The following MAP4K1 variants were observed in gnomAD, a reference collection of about 807,000 sequenced individuals.
MAP4K1 encodes the protein mitogen-activated protein kinase kinase kinase kinase 1.
MAP4K1 carries 35 observed loss-of-function variants against 122.8 expected under a neutral mutation model. The observed-to-expected ratio is 0.29, with a 90% CI of 0.22 to 0.38. MAP4K1 has a LOEUF of 0.38. Ranked by LOEUF, MAP4K1 falls within the 10% of genes least tolerant of loss-of-function variation. The pLI is 1.00. For synonymous variants in MAP4K1, 412 were observed against 421.3 expected, an observed-to-expected ratio of 0.98 and a Z score of 0.27; for missense variants, 791 against 1,072.6, an observed-to-expected ratio of 0.74 and a Z score of 3.67.
In MAP4K1 at chr19:38,595,548, A is replaced by G; in HGVS notation, c.2277T>C (p.Val759=). 6.2e-7 allele frequency: 1 copy of G among 1,614,084 alleles called. No homozygotes were observed. Among genetic ancestry groups the G allele is most frequent in the South Asian group, 1.1e-5 (1 of 91,080 alleles). The part of the protein sequence containing the change: ...MTEAVEAVAM[V]GGQLQAFWKH... ...TCCAGAAGGCCTGAAGCTGACCTCC[A>G]ACCATAGCTGGGGAGAAAGCAATGC... Residue 759 remains valine, a synonymous_variant, in exon 29 of 31, where the codon GTT becomes GTC. Coordinates refer to ENST00000396857, the MANE Select transcript of MAP4K1 (RefSeq NM_001042600.3).
In MAP4K1 at chr19:38,614,437, A is replaced by C; in HGVS notation, c.322T>G (p.Ser108Ala). ...TAGCTAATCTGGAGCTCTGACAGGG[A>C]GCCTGTCACTGCAAAGGTCACCCCG... ...SLQDIYQVTG[S>A]LSELQISYVC... is the part of the protein sequence containing the mutation. The change falls in exon 5 of 31, where the codon TCC (serine) becomes GCC (alanine). Residue 108 changes from serine (S) to alanine (A), a missense_variant. Ser to Ala is a moderately conservative substitution (Grantham distance 99). This residue lies in a region of MAP4K1 where 163 missense variants were observed against 286.1 expected (regional missense o/e 0.57). Transcript: ENST00000396857. 6.2e-7 allele frequency: 1 copy of C among 1,614,068 alleles called. No individual in the cohort carries two copies. Among genetic ancestry groups the C allele is most frequent in the Non-Finnish European group, 8.5e-7 (1 of 1,180,018 alleles).
intron 13 of MAP4K1, 90 bp from the exon 14 acceptor site, chr19:38,608,260 G>T (rs1429967409): frequency 2.1e-5 from 12 of 575,858 alleles, no homozygotes; most frequent in Non-Finnish European, 3.3e-5. Flanking sequence ...GAATTGGCGG[G>T]GGGGTTGCAG....
chr19:38,613,800 A>G, intron 8 of MAP4K1, 80 bp downstream of exon 8: 1 of 1,135,836 alleles, frequency 8.8e-7, no homozygotes, highest in Non-Finnish European at 1.3e-6. Flanking sequence ...CGGAGCCAGG[A>G]AAGAGGATCC....
rs1974910956 is a variant in MAP4K1 at position 38,597,026 on chromosome 19, C to G, written c.1941+8G>C. 27 of 1,613,924 alleles carry G rather than the reference C, an allele frequency of 1.7e-5. No homozygotes were observed. Among genetic ancestry groups the G allele is most frequent in the Non-Finnish European group, 2.3e-5 (27 of 1,179,816 alleles). On this transcript the variant is annotated splice_region_variant and intron_variant, in intron 25 of 30. Coordinates refer to ENST00000396857, the MANE Select transcript of MAP4K1 (RefSeq NM_001042600.3). This position sits in a 1 kb window ranked among gnomAD's most constrained non-coding sequence, Gnocchi z 4.6. The stretch of plus-strand genomic sequence containing the variant: ...TCAGAGTTCCCAGCACCCTCCCAAG[C>G]CCCTTACCCGGACAAGCAGGAATTT...
rs146801912 is a variant in MAP4K1, at chr19:38,593,088, GAAACA to G, written c.2396+189_2396+193del. On this transcript the variant is annotated intron_variant, in intron 30 of 30. Coordinates refer to ENST00000396857, the MANE Select transcript of MAP4K1 (RefSeq NM_001042600.3). ...GCACTCCAGCCTTTGAGTACAGTGA[GAAACA>G]AAACAAAAAGAGAGAACGCCCCCGT... 8.0e-3 allele frequency among the ~76,000 whole-genome samples: 1,222 copies of G among 152,196 alleles called. 30 individuals are homozygous for G. The highest frequency in any genetic ancestry group is 0.06 in the East Asian group (309 of 5,170).
chr19:38,595,670 T>G lies in MAP4K1; in HGVS notation c.2239A>C (p.Ile747Leu). 10 of 1,613,448 alleles carry G rather than the reference T, an allele frequency of 6.2e-6. No homozygotes were observed. Among genetic ancestry groups the G allele is most frequent in the Non-Finnish European group, 8.5e-6 (10 of 1,179,616 alleles). The change falls in exon 28 of 31, where the codon ATC becomes CTC. Residue 747 changes from isoleucine (I) to leucine (L), a missense_variant. By Grantham distance (5) the Ile-to-Leu change is conservative (BLOSUM62 2). This residue lies in a region of MAP4K1 where 267 missense variants were observed against 323.0 expected (regional missense o/e 0.83). Transcript: ENST00000396857. ...SPVRGLRTPE[I>L]PMTEAVEAVA... Reference sequence around the variant, plus strand: ...GCCTCCACCGCTTCGGTCATGGGGATCTCAGGTGTGCGAAGTCCCCGGACT... The same window carrying G: ...GCCTCCACCGCTTCGGTCATGGGGAGCTCAGGTGTGCGAAGTCCCCGGACT...
chr19:38,605,347 ACCCC>A, intron 19 of MAP4K1, 58 bp downstream of exon 19: 2 of 595,628 alleles, frequency 3.4e-6, no homozygotes, highest in Non-Finnish European at 5.9e-6. Flanking sequence ...CCCCCTCCCC[ACCCC>A]ACCAGGCATC....
chr19:38,594,456 A>G lies in MAP4K1; in HGVS notation c.2340+1029T>C, dbSNP rs1974810638. Among the ~76,000 whole-genome samples the G allele has an allele frequency of 2.0e-5, 3 of 152,100 alleles. No individual in the cohort carries two copies. In the South Asian group the frequency reaches 6.2e-4, roughly 31 times the overall value. On this transcript the variant is annotated intron_variant, in intron 29 of 30. Transcript: ENST00000396857. ...GGAGTTCGAGACCAGTCTGGCCAAC[A>G]TGACAAAACCCCGTCTCTACTAAAA...
intron 9 of MAP4K1, among the ~76,000 whole-genome samples, chr19:38,611,607 A>G (rs1237782392): frequency 6.6e-6 from 1 of 151,926 alleles, no homozygotes; most frequent in African/African-American, 2.4e-5. Flanking sequence ...ACATAGTGAG[A>G]CAAAAAAAAA....
intron 4 of MAP4K1, among the ~76,000 whole-genome samples, chr19:38,615,794 A>G (rs190544705): frequency 2.6e-5 from 4 of 152,178 alleles, no homozygotes; most frequent in Admixed American, 2.6e-4. Context: ...AGTAGCTGGG[A>G]TTACAGGCGT....
At chr19:38,602,463 C>CATAT (rs1249992725) in intron 19 of MAP4K1, among the ~76,000 whole-genome samples, 2 of 146,284 alleles carry the variant, frequency 1.4e-5, no homozygotes, top group Admixed American at 1.3e-4. Context: ...CATATATACA[C>CATAT]ACATATACAT....
intron 20 of MAP4K1, 100 bp downstream of exon 20, chr19:38,601,341 C>G: frequency 1.2e-5 from 13 of 1,078,588 alleles, no homozygotes; most frequent in Non-Finnish European, 1.8e-5. Context: ...CATTAAGCTC[C>G]TCCCCGTCCC....
chr19:38,597,069 A>G lies in MAP4K1; in HGVS notation c.1906T>C (p.Trp636Arg). Residue 636 changes from tryptophan (W) to arginine (R), a missense_variant, in exon 25 of 31, where the codon TGG (tryptophan) becomes CGG (arginine). Trp to Arg is a moderately radical substitution (Grantham distance 101). Coordinates refer to ENST00000396857, the MANE Select transcript of MAP4K1 (RefSeq NM_001042600.3). This position sits in a 1 kb window ranked among gnomAD's most constrained non-coding sequence, Gnocchi z 4.6. Reference sequence around the variant, plus strand: ...AGGAATTTGTTCATGGGCTGGTACCACTGAAGCAGGACAACGGACGTCTCC... The same window carrying G: ...AGGAATTTGTTCATGGGCTGGTACCGCTGAAGCAGGACAACGGACGTCTCC... ...ALETSVVLLQWYQPMNKFLLV... is the reference protein window; with the variant it reads ...ALETSVVLLQRYQPMNKFLLV... 1 of 1,614,110 alleles carries G rather than the reference A, an allele frequency of 6.2e-7. No homozygotes were observed.
At chr19:38,609,752 T>G in intron 12 of MAP4K1, 78 bp from the exon 13 acceptor site, 1 of 1,397,718 alleles carries the variant, frequency 7.2e-7, no homozygotes, top group Non-Finnish European at 9.9e-7. Context: ...ATCTGCTCTC[T>G]CCTGTAACCC....
chr19:38,590,383 AAAAAAAAAAAAAT>A (rs1974670572), intron 30 of MAP4K1, among the ~76,000 whole-genome samples: 1 of 69,958 alleles, frequency 1.4e-5, no homozygotes, highest in African/African-American at 7.7e-5. Context: ...GAAAAAAAAA[AAAAAAAAAAAAAT>A]ATATATATAT....
At chr19:38,596,988 A>G (rs1488698802) in intron 25 of MAP4K1, 46 bp downstream of exon 25, 2 of 1,557,454 alleles carry the variant, frequency 1.3e-6, no homozygotes, top group East Asian at 2.2e-5. Flanking sequence ...GCAAGGCCTT[A>G]GCCACCCACT....
intron 13 of MAP4K1, among the ~76,000 whole-genome samples, 156 bp downstream of exon 13, chr19:38,609,440 G>C (rs73552628): frequency 6.6e-6 from 1 of 151,942 alleles, no homozygotes; most frequent in African/African-American, 2.4e-5. Flanking sequence ...TGGCCTCTAC[G>C]GTCATTTTGT....
intron 19 of MAP4K1, 57 bp from the exon 20 acceptor site, chr19:38,601,582 G>T (rs1226253667): frequency 1.5e-6 from 2 of 1,349,240 alleles, no homozygotes. Flanking sequence ...CAGGGAACAG[G>T]AAGGGGCAGT....
intron 4 of MAP4K1, 64 bp downstream of exon 4, chr19:38,616,131 T>G: frequency 7.9e-7 from 1 of 1,272,576 alleles, no homozygotes; most frequent in South Asian, 1.3e-5. Context: ...AGAGGTGAAT[T>G]TGGGTCGGGG....
Sources: gnomAD v4.1 joint callset for allele counts (sites outside exome capture counted in the v4.1 genomes callset) on GRCh38, gnomAD v4.1.1 for gene constraint, gnomAD v4.1.1 regional missense constraint, Gnocchi (gnomAD v3.1) non-coding constraint, MANE v1.5 for transcripts, NCBI Gene and HGNC (gene_info 2026-07-23, HGNC 2026-07-21) for gene names.